CAMTA1: variants seen among roughly 807,000 people sequenced by gnomAD.
The protein encoded by CAMTA1 is calmodulin-binding transcription activator 1.
Under a neutral mutation model 170.9 loss-of-function variants are expected in CAMTA1, and 27 were observed. The ratio of observed to expected loss-of-function variants is 0.16; its 90% CI spans 0.12 to 0.22. CAMTA1 has a LOEUF of 0.22. Among genes scored for constraint, CAMTA1 ranks in the 10% least tolerant of loss-of-function variants. The probability of loss-of-function intolerance (pLI) is 1.00; values close to 1 mark genes in which losing one functional copy is unlikely to be tolerated. For synonymous variants in CAMTA1, 833 were observed against 891.5 expected, an observed-to-expected ratio of 0.93 and a Z score of 1.17; for missense variants, 1,619 against 2,217.2, an observed-to-expected ratio of 0.73 and a Z score of 5.42.
chr1:7,330,413 C>G (rs898824646), intron 5 of CAMTA1, among the ~76,000 whole-genome samples: 1 of 152,132 alleles, frequency 6.6e-6, no homozygotes, highest in Non-Finnish European at 1.5e-5. Context: ...CTTTCCTACC[C>G]GGAGCTCCCC....
At chr1:7,452,251 C>T (rs10399692) in intron 5 of CAMTA1, among the ~76,000 whole-genome samples, 2,307 of 152,312 alleles carry the variant, frequency 0.015, 55 homozygotes, top group African/African-American at 0.052. Flanking sequence ...CTCCAGGCCC[C>T]CCTCCGCCCT....
At chr1:7,048,720 A>G (rs74051101) in intron 3 of CAMTA1, among the ~76,000 whole-genome samples, 9,230 of 152,192 alleles carry the variant, frequency 0.061, 880 homozygotes, top group African/African-American at 0.21. Context: ...GTCCGAAGTG[A>G]GCGGCTTCCT....
chr1:7,310,716 T>C (rs141589725), intron 5 of CAMTA1, among the ~76,000 whole-genome samples: 6,461 of 72,416 alleles, frequency 0.089, 980 homozygotes, highest in African/African-American at 0.27. Context: ...CTTTCTTTCT[T>C]TCTTTCTTTC....
intron 3 of CAMTA1, among the ~76,000 whole-genome samples, chr1:6,882,140 A>G (rs1248714275): frequency 2.6e-5 from 4 of 152,218 alleles, no homozygotes; most frequent in Non-Finnish European, 5.9e-5. Context: ...AAAAAAAATC[A>G]GTATTTTATT....
Position 6,900,738 on chromosome 1 carries a change from C to T in CAMTA1, c.234+75528C>T, listed in dbSNP as rs541656536. 1.9e-3 allele frequency among the ~76,000 whole-genome samples: 294 copies of T among 152,182 alleles called. 1 individual carries two copies. The highest frequency in any genetic ancestry group is 6.6e-3 in the African/African-American group (275 of 41,540). ...AATAAAACTAAGAATATGTGTAAGA[C>T]CTCTATGCTGAAAACCACAAAATAT... On this transcript the variant is annotated intron_variant, in intron 3 of 22. Coordinates refer to ENST00000303635, the MANE Select transcript of CAMTA1 (RefSeq NM_015215.4).
chr1:7,676,507 C>T (rs1198099960), intron 10 of CAMTA1, among the ~76,000 whole-genome samples: 5 of 152,200 alleles, frequency 3.3e-5, no homozygotes, highest in African/African-American at 7.2e-5. Context: ...TCAGAGTCCT[C>T]GGAGGAAAGA....
At chr1:7,569,235 C>CCAT (rs1186670932) in intron 6 of CAMTA1, among the ~76,000 whole-genome samples, 73 of 149,346 alleles carry the variant, frequency 4.9e-4, no homozygotes, top group African/African-American at 1.4e-3. Context: ...ATCATCATCA[C>CCAT]CATCATCATC....
chr1:7,258,814 C>T (rs995253197), intron 5 of CAMTA1, among the ~76,000 whole-genome samples: 1 of 152,140 alleles, frequency 6.6e-6, no homozygotes, highest in African/African-American at 2.4e-5. Flanking sequence ...TGAATTTATG[C>T]TCAGTCAGCA....
intron 6 of CAMTA1, among the ~76,000 whole-genome samples, chr1:7,553,529 C>T (rs923142212): frequency 2.6e-5 from 4 of 152,234 alleles, no homozygotes; most frequent in Non-Finnish European, 1.5e-5. Flanking sequence ...GAGGGATAAG[C>T]GAAGCTCAGG....
intron 5 of CAMTA1, among the ~76,000 whole-genome samples, chr1:7,250,997 C>A (rs901831540): frequency 6.6e-6 from 1 of 152,156 alleles, no homozygotes; most frequent in East Asian, 1.9e-4. Flanking sequence ...CTGGGAGGAC[C>A]CTCATCTCCT....
chr1:7,213,281 CTA>C, intron 4 of CAMTA1, among the ~76,000 whole-genome samples: 1 of 152,318 alleles, frequency 6.6e-6, no homozygotes, highest in Admixed American at 6.5e-5. Context: ...GGTGTTGTCA[CTA>C]TTTTTTATTT....
chr1:7,352,314 G>A (rs1046055333), intron 5 of CAMTA1, among the ~76,000 whole-genome samples: 1 of 152,184 alleles, frequency 6.6e-6, no homozygotes, highest in Admixed American at 6.5e-5. Context: ...CGTCACTTTT[G>A]TCATCTGGGA....
intron 5 of CAMTA1, among the ~76,000 whole-genome samples, chr1:7,256,845 A>T (rs1667452971): frequency 6.6e-6 from 1 of 150,780 alleles, no homozygotes; most frequent in South Asian, 2.1e-4. Context: ...TTTCCTGGGC[A>T]TTTTGGTGTC....
intron 3 of CAMTA1, among the ~76,000 whole-genome samples, chr1:6,930,942 G>A (rs976042748): frequency 1.1e-4 from 16 of 152,194 alleles, no homozygotes; most frequent in African/African-American, 3.1e-4. Context: ...GCTCCGCCGC[G>A]TCTCCTCTGC....
chr1:7,102,373 C>T (rs960745220), intron 4 of CAMTA1, among the ~76,000 whole-genome samples: 1 of 152,198 alleles, frequency 6.6e-6, no homozygotes, highest in Admixed American at 6.5e-5. Flanking sequence ...GCATTGGTGG[C>T]TGGCGTTGTG....
intron 6 of CAMTA1, among the ~76,000 whole-genome samples, chr1:7,590,032 C>A (rs920536655): frequency 2.6e-5 from 4 of 152,242 alleles, no homozygotes; most frequent in African/African-American, 4.8e-5. Context: ...GGAGCTTGCC[C>A]CTGAAAGAAG....
At chr1:7,648,286 G>A (rs950357167) in intron 7 of CAMTA1, among the ~76,000 whole-genome samples, 1 of 151,962 alleles carries the variant, frequency 6.6e-6, no homozygotes, top group Non-Finnish European at 1.5e-5. Flanking sequence ...CAACTACTTG[G>A]TAGGCTGAGG....
intron 3 of CAMTA1, among the ~76,000 whole-genome samples, chr1:6,845,830 A>G (rs1657875098): frequency 6.6e-6 from 1 of 152,204 alleles, no homozygotes. Flanking sequence ...GGGATATTGT[A>G]TTAGTCCGTT....
intron 4 of CAMTA1, among the ~76,000 whole-genome samples, chr1:7,214,609 A>T (rs1573945129): frequency 2.0e-5 from 3 of 151,968 alleles, no homozygotes; most frequent in Non-Finnish European, 4.4e-5. Flanking sequence ...CTCGTGATCC[A>T]CCCGCCTTTG....
Sources: gnomAD v4.1 joint callset for allele counts (sites outside exome capture counted in the v4.1 genomes callset) on GRCh38, gnomAD v4.1.1 for gene constraint, MANE v1.5 for transcripts, NCBI Gene and HGNC (gene_info 2026-07-23, HGNC 2026-07-21) for gene names.